The following SPAG16 variants were observed in gnomAD, a reference collection of about 807,000 sequenced individuals.
SPAG16 encodes sperm-associated antigen 16 protein.
In SPAG16, 86 loss-of-function variants were observed where a neutral mutation model predicts 80.4. That is an observed-to-expected ratio of 1.07 (90% confidence interval 0.90 to 1.28). The LOEUF (loss-of-function observed/expected upper bound fraction) is 1.28. Among genes scored for constraint, SPAG16 ranks in the 50% most tolerant of loss-of-function variants. The probability of loss-of-function intolerance (pLI) is 0.00; values close to 1 mark genes in which losing one functional copy is unlikely to be tolerated. For synonymous variants in SPAG16, 294 were observed against 265.9 expected (o/e 1.11, Z -1.03); for missense variants, 870 against 765.3 (o/e 1.14, Z -1.61).
At chr2:214,056,518 T>C (rs1192054279) in intron 13 of SPAG16, among the ~76,000 whole-genome samples, 1 of 105,518 alleles carries the variant, frequency 9.5e-6, no homozygotes, top group African/African-American at 3.8e-5. Context: ...AATTTAAAAA[T>C]ACTTATTGGT....
At chr2:214,236,833 T>C (rs1221902662) in intron 15 of SPAG16, among the ~76,000 whole-genome samples, 2 of 152,130 alleles carry the variant, frequency 1.3e-5, no homozygotes, top group African/African-American at 2.4e-5. Flanking sequence ...GTGACTGTGA[T>C]ATAAGAAATA....
intron 9 of SPAG16, among the ~76,000 whole-genome samples, chr2:213,437,072 C>T (rs778574293): frequency 9.9e-5 from 15 of 152,130 alleles, no homozygotes; most frequent in East Asian, 3.9e-4. Context: ...CCACCGCGCC[C>T]GGCTAATGTT....
chr2:214,080,881 T>C (rs551867701), intron 13 of SPAG16, among the ~76,000 whole-genome samples: 47 of 151,852 alleles, frequency 3.1e-4, no homozygotes, highest in African/African-American at 1.1e-3. Context: ...CTTATAAAAA[T>C]ACAGATATAC....
chr2:213,518,884 T>C (rs2075551055), intron 10 of SPAG16, among the ~76,000 whole-genome samples: 2 of 152,232 alleles, frequency 1.3e-5, no homozygotes, highest in African/African-American at 4.8e-5. Context: ...TGGAATACTA[T>C]GCAGCCATAA....
intron 9 of SPAG16, among the ~76,000 whole-genome samples, chr2:213,406,681 C>T (rs1431652603): frequency 2.0e-5 from 3 of 152,112 alleles, no homozygotes; most frequent in Non-Finnish European, 4.4e-5. Context: ...TGTATGGGCG[C>T]ACCCTTCTAT....
chr2:214,260,745 A>G (rs765258550), intron 15 of SPAG16, among the ~76,000 whole-genome samples: 16 of 152,060 alleles, frequency 1.1e-4, no homozygotes, highest in Non-Finnish European at 1.9e-4. Flanking sequence ...CTGGGTATCT[A>G]TCTTTGACTA....
intron 15 of SPAG16, among the ~76,000 whole-genome samples, chr2:214,186,138 A>G (rs2057464299): frequency 6.6e-6 from 1 of 152,194 alleles, no homozygotes; most frequent in South Asian, 2.1e-4. Flanking sequence ...AAACTGGGGA[A>G]TTATATTGTC....
intron 15 of SPAG16, among the ~76,000 whole-genome samples, chr2:214,338,229 T>A (rs868128206): frequency 2.0e-5 from 3 of 152,152 alleles, no homozygotes; most frequent in South Asian, 4.1e-4. Flanking sequence ...GAAAAAAATA[T>A]CCTCAGCCAA....
chr2:213,933,516 G>A (rs774576185), intron 12 of SPAG16, among the ~76,000 whole-genome samples: 12 of 152,180 alleles, frequency 7.9e-5, no homozygotes, highest in East Asian at 1.9e-4. Context: ...CTGATATTTG[G>A]AAGGCAGACC....
chr2:213,429,386 C>T (rs1314850597), intron 9 of SPAG16, among the ~76,000 whole-genome samples: 1 of 152,094 alleles, frequency 6.6e-6, no homozygotes, highest in Non-Finnish European at 1.5e-5. Flanking sequence ...TGCTGGACCA[C>T]AGGACCCAGA....
chr2:214,364,758 T>C (rs1699377243), intron 15 of SPAG16, among the ~76,000 whole-genome samples: 1 of 152,170 alleles, frequency 6.6e-6, no homozygotes, highest in African/African-American at 2.4e-5. Context: ...GAAGAATTCA[T>C]GGCAAATAAG....
chr2:213,974,737 G>T (rs1432886083), intron 12 of SPAG16, among the ~76,000 whole-genome samples: 1 of 151,952 alleles, frequency 6.6e-6, no homozygotes, highest in African/African-American at 2.4e-5. Flanking sequence ...CAGCCTGTCA[G>T]TTAAGTACCA....
Position 213,643,051 on chromosome 2 carries a change from GTA to G in SPAG16, c.1070+152963_1070+152964del, listed in dbSNP as rs1456210694. Among the ~76,000 whole-genome samples, 199 of 93,644 alleles carry G rather than the reference GTA, an allele frequency of 2.1e-3. No homozygotes were observed. The Middle Eastern group carries it at 0.022, about 10-fold the overall frequency. The allele number at this position is 93,644 out of a possible 152,430, so 61.4% of individuals were successfully genotyped here. On this transcript the variant is annotated intron_variant, in intron 10 of 15. Coordinates refer to ENST00000331683, the MANE Select transcript of SPAG16 (RefSeq NM_024532.5). ...CTCCCCTTTATATGTATGTGTGTGT[GTA>G]TGTGTGTGTGTGTATATATATATAT...
At chr2:213,369,953 C>T (rs1443124031) in intron 8 of SPAG16, among the ~76,000 whole-genome samples, 1 of 152,124 alleles carries the variant, frequency 6.6e-6, no homozygotes, top group Non-Finnish European at 1.5e-5. Context: ...TGATGTTGTA[C>T]GTTCTGTGGA....
intron 10 of SPAG16, among the ~76,000 whole-genome samples, chr2:213,700,649 T>A (rs956478737): frequency 2.6e-5 from 4 of 152,240 alleles, no homozygotes; most frequent in Non-Finnish European, 4.4e-5. Flanking sequence ...ATTTTCATTC[T>A]TTTACATTTT....
chr2:213,448,302 G>A (rs1374783900), intron 9 of SPAG16, among the ~76,000 whole-genome samples: 2 of 152,212 alleles, frequency 1.3e-5, no homozygotes, highest in African/African-American at 4.8e-5. Context: ...TTGCTGGGAA[G>A]GGAAGATAAT....
intron 12 of SPAG16, among the ~76,000 whole-genome samples, chr2:213,943,242 G>GA (rs2079286862): frequency 6.6e-6 from 1 of 152,138 alleles, no homozygotes; most frequent in Non-Finnish European, 1.5e-5. Context: ...TGAAAATGTG[G>GA]AAGTGTCTTT....
intron 10 of SPAG16, among the ~76,000 whole-genome samples, chr2:213,556,310 ACC>A (rs375314932): frequency 6.0e-5 from 5 of 83,446 alleles, no homozygotes; most frequent in South Asian, 3.7e-4. Context: ...AAAAAAAAAA[ACC>A]AAAAAAAAAA....
chr2:213,885,999 A>G (rs2076540592), intron 11 of SPAG16, among the ~76,000 whole-genome samples: 1 of 152,198 alleles, frequency 6.6e-6, no homozygotes, highest in Non-Finnish European at 1.5e-5. Flanking sequence ...TCAATAAATT[A>G]TAGACAGCCA....
Sources: allele counts gnomAD v4.1 joint callset (sites outside exome capture counted in the v4.1 genomes callset), GRCh38; gene constraint gnomAD v4.1.1; transcripts MANE v1.5; gene names NCBI Gene and HGNC (gene_info 2026-07-23, HGNC 2026-07-21).